PRRC2C: variants seen among roughly 807,000 people sequenced by gnomAD.
PRRC2C encodes the protein proline rich coiled-coil 2C.
In PRRC2C, 72 loss-of-function variants were observed where a neutral mutation model predicts 317.2. That is an observed-to-expected ratio of 0.23 (90% confidence interval 0.19 to 0.28). PRRC2C has a LOEUF of 0.28. PRRC2C is among the 10% of genes least tolerant of loss of function. The probability of loss-of-function intolerance (pLI) is 1.00; values close to 1 mark genes in which losing one functional copy is unlikely to be tolerated. For missense variants in PRRC2C, 3,074 were observed against 3,459.7 expected (o/e 0.89, Z 2.80); for synonymous variants, 1,296 against 1,205.9 (o/e 1.07, Z -1.55).
rs371781788 is a variant in PRRC2C at position 171,540,896 on chromosome 1, A to G, written c.3430A>G (p.Ile1144Val). 1.2e-6 allele frequency: 2 copies of G among 1,613,672 alleles called. No homozygotes were observed. The highest frequency in any genetic ancestry group is 2.7e-5 in the African/African-American group (2 of 74,904). The change falls in exon 16 of 35, where the codon ATC (isoleucine) becomes GTC (valine). Residue 1144 changes from isoleucine (I) to valine (V), a missense_variant. Physicochemically the swap from Ile to Val is conservative, Grantham distance 29 (BLOSUM62 3). Transcript: ENST00000647382. ...VKEEKQPEKV[I>V]SKDLVIERPR... is the part of the protein sequence containing the mutation. The stretch of plus-strand genomic sequence containing the variant: ...AGAAGAAAAACAACCTGAGAAAGTC[A>G]TCAGCAAAGACCTTGTTATAGAGAG...
chr1:171,586,705 C>A (rs1234844713), intron 30 of PRRC2C, among the ~76,000 whole-genome samples: 1 of 151,788 alleles, frequency 6.6e-6, no homozygotes, highest in African/African-American at 2.4e-5. Context: ...CTCAGCCTCC[C>A]AAGTAGCTGA....
At chr1:171,513,648 T>C (rs1671788381) in intron 3 of PRRC2C, among the ~76,000 whole-genome samples, 1 of 152,208 alleles carries the variant, frequency 6.6e-6, no homozygotes, top group African/African-American at 2.4e-5. Context: ...TAGTCATCCT[T>C]CTTTCAACAA....
intron 10 of PRRC2C, among the ~76,000 whole-genome samples, chr1:171,527,520 G>T (rs916233154): frequency 6.6e-6 from 1 of 150,896 alleles, no homozygotes; most frequent in Non-Finnish European, 1.5e-5. Context: ...ACTTTAGGAG[G>T]CTAAGGCAGG....
chr1:171,579,777 A>T (rs1241469076), intron 27 of PRRC2C, 51 bp from the exon 28 acceptor site: 1 of 1,478,342 alleles, frequency 6.8e-7, no homozygotes, highest in Non-Finnish European at 9.0e-7. Context: ...TTAATGATTT[A>T]TCTGTATGAT....
intron 1 of PRRC2C, 73 bp downstream of exon 1, chr1:171,485,808 G>C (rs551915511): frequency 2.6e-5 from 4 of 152,246 alleles, no homozygotes; most frequent in Non-Finnish European, 5.9e-5. Flanking sequence ...GCGGCCTGGG[G>C]CGTGGGAGCG....
chr1:171,505,505 C>CTAA (rs1442174771), intron 1 of PRRC2C, among the ~76,000 whole-genome samples: 2 of 152,066 alleles, frequency 1.3e-5, no homozygotes, highest in African/African-American at 4.8e-5. Context: ...TCATATAATG[C>CTAA]TAACTATTAC....
At chr1:171,559,499 T>TACCA (rs1351163731) in intron 19 of PRRC2C, among the ~76,000 whole-genome samples, 1 of 131,760 alleles carries the variant, frequency 7.6e-6, no homozygotes, top group African/African-American at 2.8e-5. Context: ...CAAAATGGCA[T>TACCA]ACCAAGTTTG....
intron 19 of PRRC2C, among the ~76,000 whole-genome samples, 195 bp downstream of exon 19, chr1:171,558,338 G>T (rs941780484): frequency 1.3e-5 from 2 of 150,254 alleles, no homozygotes; most frequent in African/African-American, 2.5e-5. Context: ...ATATTTTATG[G>T]AAATAATTTT....
At chr1:171,518,893 T>C (rs1673004242) in intron 6 of PRRC2C, among the ~76,000 whole-genome samples, 1 of 150,886 alleles carries the variant, frequency 6.6e-6, no homozygotes, top group Non-Finnish European at 1.5e-5. Flanking sequence ...CACTTTTTTT[T>C]TTTTTTTGAA....
At chr1:171,515,712 GT>G in intron 4 of PRRC2C, 21 bp from the exon 5 acceptor site, 3 of 1,555,226 alleles carry the variant, frequency 1.9e-6, no homozygotes, top group South Asian at 1.2e-5. Context: ...TACCTTTAAT[GT>G]TTTTTTAAAA....
intron 1 of PRRC2C, among the ~76,000 whole-genome samples, chr1:171,503,197 A>ATAAT (rs1415408186): frequency 6.6e-6 from 1 of 152,142 alleles, no homozygotes; most frequent in Non-Finnish European, 1.5e-5. Flanking sequence ...AGGCTTATTG[A>ATAAT]TAATGATAGA....
intron 1 of PRRC2C, among the ~76,000 whole-genome samples, chr1:171,500,574 T>C (rs1424534632): frequency 2.0e-5 from 3 of 152,238 alleles, no homozygotes; most frequent in African/African-American, 7.2e-5. Context: ...TTTTTAGTTG[T>C]TTTGTTAGAG....
At chr1:171,516,018 A>G (rs1051655428) in intron 5 of PRRC2C, among the ~76,000 whole-genome samples, 159 bp downstream of exon 5, 2 of 152,230 alleles carry the variant, frequency 1.3e-5, no homozygotes, top group Non-Finnish European at 2.9e-5. Context: ...TTGCACCGAC[A>G]GTATCACTGT....
At chr1:171,519,186 T>C (rs1288512353) in intron 6 of PRRC2C, among the ~76,000 whole-genome samples, 1 of 152,216 alleles carries the variant, frequency 6.6e-6, no homozygotes, top group Non-Finnish European at 1.5e-5. Context: ...GCCCGCTCTT[T>C]TCCTACCACT....
intron 11 of PRRC2C, among the ~76,000 whole-genome samples, chr1:171,529,093 C>T (rs547928640): frequency 6.6e-6 from 1 of 152,262 alleles, no homozygotes; most frequent in Non-Finnish European, 1.5e-5. Flanking sequence ...CCTGGCCTAT[C>T]CTTAAAACAC....
chr1:171,493,657 T>G (rs1174578272), intron 1 of PRRC2C, among the ~76,000 whole-genome samples: 1 of 152,114 alleles, frequency 6.6e-6, no homozygotes, highest in African/African-American at 2.4e-5. Flanking sequence ...CCATCTCTAC[T>G]AAAAATACAA....
chr1:171,572,168 T>A (rs1684879078), intron 24 of PRRC2C, among the ~76,000 whole-genome samples: 1 of 152,248 alleles, frequency 6.6e-6, no homozygotes, highest in Non-Finnish European at 1.5e-5. Context: ...AAATTTTTTT[T>A]AAATAGAGAT....
At chr1:171,533,113 G>A (rs989767650) in intron 12 of PRRC2C, among the ~76,000 whole-genome samples, 152 bp downstream of exon 12, 10 of 152,298 alleles carry the variant, frequency 6.6e-5, no homozygotes, top group African/African-American at 2.2e-4. Context: ...GGCTAGAGCC[G>A]TGTTTTCTAA....
At chr1:171,536,751 TAC>T (rs1479746465) in intron 14 of PRRC2C, among the ~76,000 whole-genome samples, 2 of 152,204 alleles carry the variant, frequency 1.3e-5, no homozygotes, top group Non-Finnish European at 2.9e-5. Flanking sequence ...ACCAAAATGT[TAC>T]AGAGGAAAAT....
Sources: gnomAD v4.1 joint callset for allele counts (sites outside exome capture counted in the v4.1 genomes callset) on GRCh38, gnomAD v4.1.1 for gene constraint, MANE v1.5 for transcripts, NCBI Gene and HGNC (gene_info 2026-07-23, HGNC 2026-07-21) for gene names.